The following LGSN variants were observed in gnomAD, a reference collection of about 807,000 sequenced individuals.
LGSN encodes the protein lengsin.
Under a neutral mutation model 19.5 loss-of-function variants are expected in LGSN, and 21 were observed. That is an observed-to-expected ratio of 1.07 (90% CI 0.76 to 1.55). LGSN has a LOEUF of 1.55. LGSN is among the 40% of genes most tolerant of loss of function. The probability of loss-of-function intolerance (pLI) is 0.00; values close to 1 mark genes in which losing one functional copy is unlikely to be tolerated. For missense variants in LGSN, 673 were observed against 608.5 expected (o/e 1.11, Z -1.12); for synonymous variants, 257 against 215.6 (o/e 1.19, Z -1.68).
chr6:63,420,467 C>A, the LGSN span, among the ~76,000 whole-genome samples: 1 of 152,194 alleles, frequency 6.6e-6, no homozygotes, highest in Non-Finnish European at 1.5e-5. Context: ...TTCATTTTGG[C>A]TCCTGGCTTT....
intron 3 of LGSN, among the ~76,000 whole-genome samples, chr6:63,282,293 T>C (rs1174371938): frequency 6.6e-6 from 1 of 152,216 alleles, no homozygotes; most frequent in Admixed American, 6.5e-5. Flanking sequence ...GTGAAGATCA[T>C]GAGGTTAATA....
the LGSN span, among the ~76,000 whole-genome samples, chr6:63,558,311 G>A: frequency 6.6e-6 from 1 of 152,108 alleles, no homozygotes; most frequent in Non-Finnish European, 1.5e-5. Context: ...GAAAGAAGCA[G>A]GGAAGGAAAG....
At chr6:63,507,765 C>T in the LGSN span, among the ~76,000 whole-genome samples, 1 of 152,158 alleles carries the variant, frequency 6.6e-6, no homozygotes, top group Admixed American at 6.5e-5. Flanking sequence ...TTGTTTCTTA[C>T]AGCCAAAGAA....
At chr6:63,464,754 C>T in the LGSN span, among the ~76,000 whole-genome samples, 2 of 151,728 alleles carry the variant, frequency 1.3e-5, no homozygotes, top group Admixed American at 6.6e-5. Flanking sequence ...TGGCCAAACG[C>T]GGTGGCTCAT....
At chr6:63,412,224 G>A in the LGSN span, among the ~76,000 whole-genome samples, 1,254 of 151,578 alleles carry the variant, frequency 8.3e-3, 13 homozygotes, top group South Asian at 0.025. Context: ...AAAATGAGCC[G>A]GACATGGTGG....
the LGSN span, among the ~76,000 whole-genome samples, chr6:63,573,072 G>A: frequency 6.6e-6 from 1 of 152,018 alleles, no homozygotes; most frequent in Non-Finnish European, 1.5e-5. Flanking sequence ...TGGCACAAAA[G>A]CCGCTTTGTG....
chr6:63,281,557 T>A (rs993032626), intron 3 of LGSN, among the ~76,000 whole-genome samples: 2 of 152,032 alleles, frequency 1.3e-5, no homozygotes, highest in Non-Finnish European at 2.9e-5. Context: ...AAAAGCCTTA[T>A]GGAATTATTT....
intron 1 of LGSN, among the ~76,000 whole-genome samples, chr6:63,308,084 C>A (rs79471732): frequency 6.6e-6 from 1 of 152,078 alleles, no homozygotes; most frequent in Non-Finnish European, 1.5e-5. Context: ...GAATCATGAG[C>A]GTAAGTACAG....
At chr6:63,526,405 C>T in the LGSN span, among the ~76,000 whole-genome samples, 15 of 152,132 alleles carry the variant, frequency 9.9e-5, no homozygotes, top group African/African-American at 3.6e-4. Context: ...ATTCTATTAT[C>T]AAAAATGAAG....
At chr6:63,515,210 A>G in the LGSN span, among the ~76,000 whole-genome samples, 1 of 122,112 alleles carries the variant, frequency 8.2e-6, no homozygotes, top group Non-Finnish European at 1.6e-5. Flanking sequence ...ACCTTTCTAA[A>G]AAGTTTTTTT....
the LGSN span, among the ~76,000 whole-genome samples, chr6:63,418,105 T>C: frequency 6.6e-6 from 1 of 152,216 alleles, no homozygotes; most frequent in Non-Finnish European, 1.5e-5. Context: ...ATAAGGCTAA[T>C]TGCCTTTCCC....
chr6:63,513,663 C>T, the LGSN span, among the ~76,000 whole-genome samples: 1 of 152,074 alleles, frequency 6.6e-6, no homozygotes, highest in Non-Finnish European at 1.5e-5. Flanking sequence ...GTAATCCCAG[C>T]ACTTTGAGAG....
chr6:63,559,046 A>G, the LGSN span, among the ~76,000 whole-genome samples: 1 of 152,252 alleles, frequency 6.6e-6, no homozygotes, highest in African/African-American at 2.4e-5. Context: ...CGAGAAGGAT[A>G]GATCATTTTG....
chr6:63,356,238 A>T, the LGSN span, among the ~76,000 whole-genome samples: 5 of 152,056 alleles, frequency 3.3e-5, no homozygotes, highest in Non-Finnish European at 5.9e-5. Flanking sequence ...GTCCACATTT[A>T]AAAAAATAAT....
At chr6:63,298,042 G>C (rs1433695060) in intron 1 of LGSN, among the ~76,000 whole-genome samples, 1 of 152,154 alleles carries the variant, frequency 6.6e-6, no homozygotes, top group East Asian at 1.9e-4. Flanking sequence ...ACATATTCTT[G>C]TTCTGAGGGC....
chr6:63,508,780 G>T, the LGSN span, among the ~76,000 whole-genome samples: 1 of 151,630 alleles, frequency 6.6e-6, no homozygotes, highest in Non-Finnish European at 1.5e-5. Context: ...TTAGGCGGGC[G>T]TGGTGGTGCA....
chr6:63,347,641 G>A, the LGSN span, among the ~76,000 whole-genome samples: 1 of 152,018 alleles, frequency 6.6e-6, no homozygotes, highest in East Asian at 1.9e-4. Context: ...CTAAGATAAG[G>A]AACTGCTTAT....
At chr6:63,340,124 C>T in the LGSN span, among the ~76,000 whole-genome samples, 4 of 151,992 alleles carry the variant, frequency 2.6e-5, no homozygotes, top group African/African-American at 7.2e-5. Context: ...AAGATATATA[C>T]TGAGAAATAT....
At chr6:63,346,342 T>A in the LGSN span, among the ~76,000 whole-genome samples, 1 of 151,576 alleles carries the variant, frequency 6.6e-6, no homozygotes, top group Non-Finnish European at 1.5e-5. Context: ...GGACATTGAG[T>A]TAATAATTGA....
Sources: allele counts gnomAD v4.1 joint callset (sites outside exome capture counted in the v4.1 genomes callset), GRCh38; gene constraint gnomAD v4.1.1; transcripts MANE v1.5; gene names NCBI Gene and HGNC (gene_info 2026-07-23, HGNC 2026-07-21).